The following TUBGCP2 variants were observed in gnomAD, a reference collection of about 807,000 sequenced individuals.
The protein encoded by TUBGCP2 is tubulin gamma complex component 2, also known as gamma-tubulin complex component 2.
In TUBGCP2, 55 loss-of-function variants were observed where a neutral mutation model predicts 92.2. The ratio of observed to expected loss-of-function variants is 0.60; its 90% CI spans 0.48 to 0.75. The LOEUF (loss-of-function observed/expected upper bound fraction) is 0.75, where lower values mean the gene tolerates loss of function less well. Among genes scored for constraint, TUBGCP2 ranks in the 30% least tolerant of loss-of-function variants. The pLI is 0.00. For missense variants in TUBGCP2, 1,093 were observed against 1,188.9 expected (o/e 0.92, Z 1.19); for synonymous variants, 533 against 505.2 (o/e 1.06, Z -0.74).
At position 133,279,829 on chromosome 10, in the gene TUBGCP2, G is replaced by T; in HGVS notation, c.2646C>A (p.Pro882=). 3.1e-6 allele frequency: 5 copies of T among 1,595,454 alleles called. No homozygotes were observed. In the South Asian group the frequency reaches 4.5e-5, roughly 14 times the overall value. ...GGGGCCCCCGCAGGACAGGCACTTG[G>T]GGGGTGGCCTTCTGGCTCCTCTCTG... ...LSAERSQKAT[P]QVPVLRGPPA... is the part of the protein sequence containing the mutation. Residue 882 remains proline (P), a synonymous_variant, in exon 18 of 18, where the codon CCC becomes CCA. Coordinates refer to ENST00000252936, the MANE Select transcript of TUBGCP2 (RefSeq NM_006659.4).
In TUBGCP2 at chr10:133,288,267, G is replaced by T; in HGVS notation, c.1584C>A (p.Phe528Leu). 6.2e-7 allele frequency: 1 copy of T among 1,613,672 alleles called. No individual in the cohort carries two copies. Among genetic ancestry groups the T allele is most frequent in the Non-Finnish European group, 8.5e-7 (1 of 1,179,942 alleles). The change falls in exon 11 of 18, where the codon TTC becomes TTA. Residue 528 changes from phenylalanine (F) to leucine (L), a missense_variant. By Grantham distance (22) the Phe-to-Leu change is conservative. Coordinates refer to ENST00000252936, the MANE Select transcript of TUBGCP2 (RefSeq NM_006659.4). Reference protein sequence around the residue: ...RYFLMDQGDFFVHFMDLAEEE... With the variant: ...RYFLMDQGDFLVHFMDLAEEE... ...CCTCCGCGAGGTCCATGAAGTGCAC[G>T]AAGAAGTCGCCCTGGTCCATGAGGA...
At chr10:133,306,588 C>G (rs1160562710) in intron 1 of TUBGCP2, among the ~76,000 whole-genome samples, 2 of 152,060 alleles carry the variant, frequency 1.3e-5, no homozygotes, top group Non-Finnish European at 2.9e-5. Context: ...GAGATCGAGA[C>G]CATCCTGGCT....
chr10:133,312,243 A>AT, upstream of TUBGCP2: 1 of 1,303,968 alleles, frequency 7.7e-7, no homozygotes, highest in Non-Finnish European at 9.8e-7. Context: ...CCTTCCTAGC[A>AT]TGACCTGTGC....
At chr10:133,294,005 C>T (rs1306345230) in intron 5 of TUBGCP2, among the ~76,000 whole-genome samples, 1 of 152,220 alleles carries the variant, frequency 6.6e-6, no homozygotes, top group Non-Finnish European at 1.5e-5. Context: ...TCTCACCACA[C>T]TCGGCTCCGC....
At chr10:133,300,935 ATTGTATGCATCTCACT>A (rs148018635) in intron 2 of TUBGCP2, among the ~76,000 whole-genome samples, 6,741 of 151,504 alleles carry the variant, frequency 0.044, 380 homozygotes, top group African/African-American at 0.13. Context: ...TTATGCGTTC[ATTGTATGCATCTCACT>A]GTGTTCCCTT....
chr10:133,309,385 T>G, upstream of TUBGCP2: 1 of 1,610,822 alleles, frequency 6.2e-7, no homozygotes, highest in Non-Finnish European at 8.5e-7. Context: ...GCACTTTTCC[T>G]GCAGGATGGG....
In TUBGCP2 at chr10:133,288,223, A is replaced by G; in HGVS notation, c.1628T>C (p.Val543Ala). The G allele has an allele frequency of 6.2e-7, 1 of 1,613,824 alleles. No individual in the cohort carries two copies. Among genetic ancestry groups the G allele is most frequent in the South Asian group, 1.1e-5 (1 of 91,092 alleles). ...DLAEEELRKPVEDITPPRLEA... is the reference protein window; with the variant it reads ...DLAEEELRKPAEDITPPRLEA... ...CAGGCGAGGGGGCGTGATGTCCTCC[A>G]CCGGCTTCCGGAGCTCCTCCTCCGC... Residue 543 changes from valine (V) to alanine (A), a missense_variant, in exon 11 of 18, where the codon GTG (valine) becomes GCG (alanine). This residue lies in a region of TUBGCP2 where 598 missense variants were observed against 675.5 expected (regional missense o/e 0.89). Coordinates refer to ENST00000252936, the MANE Select transcript of TUBGCP2 (RefSeq NM_006659.4).
upstream of TUBGCP2, chr10:133,312,235 T>C: frequency 1.5e-6 from 2 of 1,368,832 alleles, no homozygotes. Flanking sequence ...GCCGTCTGCC[T>C]TCCTAGCATG....
intron 10 of TUBGCP2, 29 bp downstream of exon 10, chr10:133,288,811 G>A (rs373325250): frequency 4.5e-6 from 7 of 1,566,268 alleles, no homozygotes; most frequent in Admixed American, 1.9e-5. Flanking sequence ...GGAGGTGAGT[G>A]CCCGCACAGG....
chr10:133,300,808 C>T (rs565850469), intron 2 of TUBGCP2, among the ~76,000 whole-genome samples: 17 of 152,294 alleles, frequency 1.1e-4, no homozygotes, highest in African/African-American at 4.1e-4. Flanking sequence ...TGGAGAGTAG[C>T]GACTTACACT....
upstream of TUBGCP2, chr10:133,309,489 A>G: frequency 6.2e-7 from 1 of 1,607,008 alleles, no homozygotes; most frequent in Non-Finnish European, 8.5e-7. Context: ...GTGCCTAGCC[A>G]GTGCTACTCC....
upstream of TUBGCP2, chr10:133,309,756 G>A: frequency 6.2e-7 from 1 of 1,611,898 alleles, no homozygotes; most frequent in Non-Finnish European, 8.5e-7. Context: ...AAGGGCTCCT[G>A]AAGCACGTCT....
Position 133,302,798 on chromosome 10 carries a change from A to C in TUBGCP2, c.144T>G (p.Ser48Arg). Reference protein sequence around the residue: ...PYVTTTVSAHSAKVKIAEFSR... With the variant: ...PYVTTTVSAHRAKVKIAEFSR... ...CACCAAGGGCAGTGCTCACCTTGGC[A>C]CTGTGAGCAGAGACAGTGGTAGTGA... Residue 48 changes from serine to arginine, a missense_variant, in exon 2 of 18, where the codon AGT becomes AGG. This residue lies in a region of TUBGCP2 where 490 missense variants were observed against 488.5 expected (regional missense o/e 1.00). Transcript: ENST00000252936. 2 of 1,612,538 alleles carry C rather than the reference A, an allele frequency of 1.2e-6. No homozygotes were observed.
At chr10:133,294,260 G>C (rs536622576) in intron 5 of TUBGCP2, among the ~76,000 whole-genome samples, 1 of 152,356 alleles carries the variant, frequency 6.6e-6, no homozygotes, top group Non-Finnish European at 1.5e-5. Flanking sequence ...GACGGCCACG[G>C]GCCGCCACCC....
In TUBGCP2 at chr10:133,299,587, T is replaced by G; in HGVS notation, c.296A>C (p.Gln99Pro). Residue 99 changes from glutamine to proline, a missense_variant, in exon 4 of 18, where the codon CAA becomes CCA. Coordinates refer to ENST00000252936, the MANE Select transcript of TUBGCP2 (RefSeq NM_006659.4). ...CTCAGCTCTTTCTTTTGCATTCTGT[T>G]GTAAGTACTGCAGAGTCTGAAAACA... Reference protein sequence around the residue: ...TEDKETLQYLQQNAKERAELA... With the variant: ...TEDKETLQYLPQNAKERAELA... 6.2e-7 allele frequency: 1 copy of G among 1,611,256 alleles called. No homozygotes were observed. The highest frequency in any genetic ancestry group is 1.3e-5 in the African/African-American group (1 of 74,926).
upstream of TUBGCP2, chr10:133,310,667 G>A (rs958488753): frequency 3.1e-5 from 8 of 258,612 alleles, no homozygotes; most frequent in East Asian, 3.1e-4. Context: ...TCCTGCAGCC[G>A]TCGGCCGTGC....
At chr10:133,286,587 C>T (rs931612756) in intron 11 of TUBGCP2, among the ~76,000 whole-genome samples, 12 of 151,904 alleles carry the variant, frequency 7.9e-5, no homozygotes, top group African/African-American at 2.9e-4. Context: ...CCCGCGCGCA[C>T]GGAACCGAGG....
In TUBGCP2 at chr10:133,288,885, A is replaced by G. The variant is rs1438039989; in HGVS notation, c.1496T>C (p.Leu499Pro). The G allele has an allele frequency of 6.2e-7, 1 of 1,614,006 alleles. No homozygotes were observed. The highest frequency in any genetic ancestry group is 1.1e-5 in the South Asian group (1 of 91,036). ...EKAFNYASKV[L>P]LDFLMEEKEL... ...CTTCTCCTCCATCAGGAAGTCCAGCAGCACCTTGCTGGCGTAGTTAAACGC... is the reference window on the plus strand; with the variant it reads ...CTTCTCCTCCATCAGGAAGTCCAGCGGCACCTTGCTGGCGTAGTTAAACGC... The change falls in exon 10 of 18, where the codon CTG (leucine) becomes CCG (proline). Residue 499 changes from leucine (L) to proline (P), a missense_variant. This residue lies in a region of TUBGCP2 where 598 missense variants were observed against 675.5 expected (regional missense o/e 0.89). Transcript: ENST00000252936.
intron 16 of TUBGCP2, among the ~76,000 whole-genome samples, chr10:133,281,858 A>G (rs915505311): frequency 3.9e-5 from 6 of 152,242 alleles, no homozygotes; most frequent in Non-Finnish European, 5.9e-5. Flanking sequence ...CCGCAGGGCC[A>G]TGCCTCCGAG....
Sources: gnomAD v4.1 joint callset for allele counts (sites outside exome capture counted in the v4.1 genomes callset) on GRCh38, gnomAD v4.1.1 for gene constraint, gnomAD v4.1.1 regional missense constraint, MANE v1.5 for transcripts, NCBI Gene and HGNC (gene_info 2026-07-23, HGNC 2026-07-21) for gene names.